The following PPP2R2B variants were observed in gnomAD, a reference collection of about 807,000 sequenced individuals.
PPP2R2B encodes the protein protein phosphatase 2 regulatory subunit Bbeta, also known as serine/threonine-protein phosphatase 2A 55 kDa regulatory subunit B beta isoform.
PPP2R2B carries 5 observed loss-of-function variants against 46.0 expected under a neutral mutation model. That is an observed-to-expected ratio of 0.11 (90% CI 0.06 to 0.23). PPP2R2B has a LOEUF of 0.23. Among genes scored for constraint, PPP2R2B ranks in the 10% least tolerant of loss-of-function variants. The pLI is 1.00. For synonymous variants in PPP2R2B, 215 were observed against 206.7 expected, an observed-to-expected ratio of 1.04 and a Z score of -0.34; for missense variants, 367 against 575.0, an observed-to-expected ratio of 0.64 and a Z score of 3.70.
intron 1 of PPP2R2B, among the ~76,000 whole-genome samples, chr5:147,022,852 A>C (rs371954169): frequency 6.6e-6 from 1 of 152,248 alleles, no homozygotes; most frequent in Admixed American, 6.5e-5. Flanking sequence ...AGATAGAACC[A>C]GTGAAAATAT....
chr5:146,996,539 A>C (rs191090986), intron 1 of PPP2R2B, among the ~76,000 whole-genome samples: 13 of 152,256 alleles, frequency 8.5e-5, no homozygotes, highest in Non-Finnish European at 1.6e-4. Flanking sequence ...GAAGATCCCT[A>C]AATAGGAGTA....
intron 5 of PPP2R2B, among the ~76,000 whole-genome samples, chr5:146,651,690 A>G (rs1775971810): frequency 6.6e-6 from 1 of 152,208 alleles, no homozygotes; most frequent in Non-Finnish European, 1.5e-5. Context: ...AATAGAAACA[A>G]GATAATAAAA....
At chr5:146,669,185 G>A (rs11957208) in intron 5 of PPP2R2B, among the ~76,000 whole-genome samples, 17,608 of 152,004 alleles carry the variant, frequency 0.12, 1,277 homozygotes, top group African/African-American at 0.2. Flanking sequence ...TCTAATCTAG[G>A]AATACAATTA....
At chr5:146,709,820 T>C (rs1780116814) in intron 2 of PPP2R2B, among the ~76,000 whole-genome samples, 1 of 152,224 alleles carries the variant, frequency 6.6e-6, no homozygotes. Flanking sequence ...TCTGAAATTG[T>C]TAAACCCTGT....
At chr5:146,694,581 C>A (rs1220912977) in intron 4 of PPP2R2B, among the ~76,000 whole-genome samples, 2 of 152,094 alleles carry the variant, frequency 1.3e-5, no homozygotes, top group Non-Finnish European at 2.9e-5. Flanking sequence ...GAACGATCAT[C>A]GTCAACATTT....
intron 2 of PPP2R2B, among the ~76,000 whole-genome samples, chr5:146,780,349 T>C (rs1001222860): frequency 2.0e-5 from 3 of 152,158 alleles, no homozygotes; most frequent in Non-Finnish European, 4.4e-5. Context: ...AATAATAAAG[T>C]AGATTAAAAA....
At chr5:146,910,180 A>C (rs1489618313) in intron 1 of PPP2R2B, among the ~76,000 whole-genome samples, 2 of 152,222 alleles carry the variant, frequency 1.3e-5, no homozygotes, top group Non-Finnish European at 2.9e-5. Context: ...TTAATCTTTC[A>C]TTGCAAGTAA....
chr5:146,833,352 C>A (rs1184563785), intron 2 of PPP2R2B, among the ~76,000 whole-genome samples: 1 of 152,108 alleles, frequency 6.6e-6, no homozygotes, highest in Non-Finnish European at 1.5e-5. Context: ...CTAATAATTT[C>A]ATTGTCATCT....
intron 2 of PPP2R2B, among the ~76,000 whole-genome samples, chr5:146,766,560 GT>G (rs1363079149): frequency 6.6e-6 from 1 of 152,198 alleles, no homozygotes; most frequent in Non-Finnish European, 1.5e-5. Context: ...AGCTAGTGTT[GT>G]GCTCAGTACT....
At chr5:146,801,175 G>A (rs370374769) in intron 2 of PPP2R2B, among the ~76,000 whole-genome samples, 28 of 152,020 alleles carry the variant, frequency 1.8e-4, no homozygotes, top group Non-Finnish European at 3.5e-4. Flanking sequence ...GCCTGAGGGG[G>A]TGGGGAAGGA....
chr5:146,917,950 A>G (rs1763453286), intron 1 of PPP2R2B: 1 of 152,218 alleles, frequency 6.6e-6, no homozygotes, highest in African/African-American at 2.4e-5. Context: ...AGATGGATAC[A>G]TGTCATTATG....
intron 2 of PPP2R2B, among the ~76,000 whole-genome samples, chr5:146,769,927 A>C (rs1448373897): frequency 1.3e-5 from 2 of 152,198 alleles, no homozygotes; most frequent in Non-Finnish European, 2.9e-5. Context: ...AGTTCTAAAA[A>C]TTAATTCTAA....
intron 1 of PPP2R2B, among the ~76,000 whole-genome samples, chr5:146,990,713 A>G (rs1753660770): frequency 6.6e-6 from 1 of 152,110 alleles, no homozygotes; most frequent in South Asian, 2.1e-4. Context: ...AAATAGACAA[A>G]TGGGATAATA....
At chr5:147,055,539 C>T in intron 1 of PPP2R2B, 1 of 806,930 alleles carries the variant, frequency 1.2e-6, no homozygotes, top group South Asian at 1.6e-5. Context: ...CTGTTGGATA[C>T]AAGCTTTTGC....
chr5:146,649,760 T>C (rs1464138376), intron 6 of PPP2R2B, among the ~76,000 whole-genome samples: 1 of 152,188 alleles, frequency 6.6e-6, no homozygotes, highest in African/African-American at 2.4e-5. Context: ...GACTTTTCTA[T>C]ATTTTAATTA....
intron 2 of PPP2R2B, among the ~76,000 whole-genome samples, chr5:146,761,641 AAG>A (rs942635677): frequency 2.6e-5 from 4 of 152,182 alleles, no homozygotes; most frequent in Admixed American, 6.5e-5. Flanking sequence ...AAAAAAAAAA[AAG>A]AAAATATTTG....
intron 2 of PPP2R2B, among the ~76,000 whole-genome samples, chr5:146,838,680 A>G (rs452399): frequency 0.32 from 49,357 of 151,950 alleles, 8,829 homozygotes; most frequent in East Asian, 0.6. Context: ...TAGACAGAAG[A>G]GTGAGCTACA....
chr5:146,825,977 G>T (rs978162815), intron 2 of PPP2R2B, among the ~76,000 whole-genome samples: 1 of 152,012 alleles, frequency 6.6e-6, no homozygotes, highest in Non-Finnish European at 1.5e-5. Flanking sequence ...TCATGCCAGG[G>T]GAATCTTATG....
chr5:147,036,473 C>T (rs1038290767), intron 1 of PPP2R2B, among the ~76,000 whole-genome samples: 1 of 152,140 alleles, frequency 6.6e-6, no homozygotes. Context: ...CTGTAATGAA[C>T]ATATACATGC....
Sources: gnomAD v4.1 joint callset for allele counts (sites outside exome capture counted in the v4.1 genomes callset) on GRCh38, gnomAD v4.1.1 for gene constraint, MANE v1.5 for transcripts, NCBI Gene and HGNC (gene_info 2026-07-23, HGNC 2026-07-21) for gene names.